The following ALMS1 variants were observed in gnomAD, a reference collection of about 807,000 sequenced individuals.
The protein encoded by ALMS1 is ALMS1 centrosome and basal body associated protein, also known as centrosome-associated protein ALMS1.
ALMS1 carries 271 observed loss-of-function variants against 352.2 expected under a neutral mutation model. The ratio of observed to expected loss-of-function variants is 0.77; its 90% CI spans 0.70 to 0.85. ALMS1 has a LOEUF of 0.85. Ranked by LOEUF, ALMS1 falls within the 40% of genes least tolerant of loss-of-function variation. The pLI is 0.00. For missense variants in ALMS1, 5,445 were observed against 4,870.7 expected (o/e 1.12, Z -3.51); for synonymous variants, 1,865 against 1,761.2 (o/e 1.06, Z -1.48).
At chr2:73,431,033 T>G (rs1385737450) in intron 6 of ALMS1, among the ~76,000 whole-genome samples, 2 of 152,140 alleles carry the variant, frequency 1.3e-5, no homozygotes, top group East Asian at 3.8e-4. Flanking sequence ...TTAGCAGCCT[T>G]ATCATTTTGA....
At chr2:73,468,257 A>G (rs1308057732) in intron 9 of ALMS1, among the ~76,000 whole-genome samples, 2 of 152,014 alleles carry the variant, frequency 1.3e-5, no homozygotes, top group East Asian at 3.9e-4. Context: ...TTATTTTGAA[A>G]GGCTAGTAGA....
intron 17 of ALMS1, 106 bp downstream of exon 17, chr2:73,599,627 T>C: frequency 1.5e-6 from 2 of 1,327,806 alleles, no homozygotes; most frequent in Non-Finnish European, 2.1e-6. Flanking sequence ...GATAAAACTA[T>C]ATCCAACTGC....
At chr2:73,503,900 T>A (rs978883256) in intron 10 of ALMS1, among the ~76,000 whole-genome samples, 2 of 152,204 alleles carry the variant, frequency 1.3e-5, no homozygotes, top group Admixed American at 6.5e-5. Flanking sequence ...GATACTCTTT[T>A]CCCTTTTGTA....
chr2:73,404,999 C>T (rs1219745347), intron 1 of ALMS1, among the ~76,000 whole-genome samples: 5 of 145,708 alleles, frequency 3.4e-5, no homozygotes, highest in African/African-American at 7.8e-5. Flanking sequence ...GCAACCTCTG[C>T]CCTCCAGGCT....
At chr2:73,548,589 G>C (rs991412304) in intron 12 of ALMS1, among the ~76,000 whole-genome samples, 1 of 152,146 alleles carries the variant, frequency 6.6e-6, no homozygotes, top group Non-Finnish European at 1.5e-5. Context: ...TGTACTCCCT[G>C]GGAGAATTTG....
intron 19 of ALMS1, among the ~76,000 whole-genome samples, chr2:73,601,899 G>A (rs1194211536): frequency 2.0e-5 from 3 of 152,204 alleles, no homozygotes; most frequent in Admixed American, 1.3e-4. Flanking sequence ...CTTTAAAATA[G>A]CACTGTGGGA....
At chr2:73,468,320 C>T (rs1672399757) in intron 9 of ALMS1, among the ~76,000 whole-genome samples, 2 of 151,964 alleles carry the variant, frequency 1.3e-5, no homozygotes, top group East Asian at 3.9e-4. Context: ...ACTCTATATC[C>T]ACCTAGCACA....
intron 1 of ALMS1, among the ~76,000 whole-genome samples, chr2:73,395,792 A>G (rs1429990177): frequency 1.3e-5 from 2 of 152,074 alleles, no homozygotes; most frequent in African/African-American, 2.4e-5. Flanking sequence ...ATTTATGGCT[A>G]ATTGCCCTGG....
At chr2:73,540,986 A>G (rs955230966) in intron 12 of ALMS1, among the ~76,000 whole-genome samples, 2 of 152,220 alleles carry the variant, frequency 1.3e-5, no homozygotes, top group Non-Finnish European at 2.9e-5. Context: ...TAACAAGGCT[A>G]TCCAGGAATT....
At chr2:73,435,537 CCT>C (rs1671588430) in intron 7 of ALMS1, among the ~76,000 whole-genome samples, 1 of 106,072 alleles carries the variant, frequency 9.4e-6, no homozygotes, top group African/African-American at 2.6e-5. Context: ...AGCTCTATTC[CCT>C]CTTTTTTTTT....
chr2:73,608,840 T>C (rs1214739279), intron 22 of ALMS1, among the ~76,000 whole-genome samples: 1 of 152,238 alleles, frequency 6.6e-6, no homozygotes, highest in Non-Finnish European at 1.5e-5. Context: ...CAGGAGTTCA[T>C]TGACATATCA....
chr2:73,487,271 G>A (rs887964386), intron 9 of ALMS1, among the ~76,000 whole-genome samples: 2 of 152,178 alleles, frequency 1.3e-5, no homozygotes, highest in African/African-American at 4.8e-5. Flanking sequence ...TGAGGGGTGT[G>A]TGGGCAAGCA....
chr2:73,472,557 C>T (rs1332162600), intron 9 of ALMS1, among the ~76,000 whole-genome samples: 2 of 151,978 alleles, frequency 1.3e-5, no homozygotes, highest in Non-Finnish European at 1.5e-5. Flanking sequence ...TAATAAGCTT[C>T]CAGAAACTAT....
At chr2:73,405,714 C>G (rs1558632388) in intron 1 of ALMS1, among the ~76,000 whole-genome samples, 2 of 151,336 alleles carry the variant, frequency 1.3e-5, no homozygotes, top group African/African-American at 2.4e-5. Context: ...TGTAGATTAC[C>G]TTCTTAGTCC....
intron 11 of ALMS1, among the ~76,000 whole-genome samples, chr2:73,524,991 G>GT (rs1234355128): frequency 2.6e-5 from 4 of 152,102 alleles, no homozygotes; most frequent in Admixed American, 6.5e-5. Flanking sequence ...AACATGTGAA[G>GT]TTTCTGTTCC....
chr2:73,601,066 G>T, intron 18 of ALMS1, 129 bp from the exon 19 acceptor site: 1 of 1,498,008 alleles, frequency 6.7e-7, no homozygotes. Context: ...CCAGACTCAA[G>T]GGCACCCTGT....
intron 9 of ALMS1, among the ~76,000 whole-genome samples, chr2:73,465,673 A>C (rs1266524870): frequency 6.6e-6 from 1 of 151,872 alleles, no homozygotes; most frequent in East Asian, 1.9e-4. Flanking sequence ...CTGCACAGCA[A>C]AAGAAACTAC....
At chr2:73,481,276 G>C (rs1410554738) in intron 9 of ALMS1, among the ~76,000 whole-genome samples, 4 of 152,172 alleles carry the variant, frequency 2.6e-5, no homozygotes, top group Admixed American at 6.5e-5. Context: ...AAGGGATCCA[G>C]TTTCAGCTTT....
intron 7 of ALMS1, among the ~76,000 whole-genome samples, chr2:73,438,411 T>C (rs1255183984): frequency 1.3e-5 from 2 of 152,220 alleles, no homozygotes; most frequent in African/African-American, 4.8e-5. Context: ...TTGAATAGTT[T>C]AGATTACAAG....
Sources: allele counts gnomAD v4.1 joint callset (sites outside exome capture counted in the v4.1 genomes callset), GRCh38; gene constraint gnomAD v4.1.1; transcripts MANE v1.5; gene names NCBI Gene and HGNC (gene_info 2026-07-23, HGNC 2026-07-21).